VSTM2L: variants seen among roughly 807,000 people sequenced by gnomAD.
The protein encoded by VSTM2L is V-set and transmembrane domain containing 2 like.
A neutral mutation model predicts 19.9 loss-of-function variants in VSTM2L; 9 were observed. The observed-to-expected ratio is 0.45, with a 90% confidence interval of 0.27 to 0.79. The LOEUF is 0.79. Ranked by LOEUF, VSTM2L falls within the 30% of genes least tolerant of loss-of-function variation. The pLI, the probability that VSTM2L is intolerant of heterozygous loss-of-function variation, is 0.15. For synonymous variants in VSTM2L, 127 were observed against 133.8 expected, an observed-to-expected ratio of 0.95 and a Z score of 0.35; for missense variants, 286 against 295.5, an observed-to-expected ratio of 0.97 and a Z score of 0.24.
chr20:37,911,101 T>C (rs1022729289), intron 1 of VSTM2L, among the ~76,000 whole-genome samples: 2 of 151,318 alleles, frequency 1.3e-5, no homozygotes, highest in African/African-American at 4.9e-5. Context: ...TGAAACACCA[T>C]CTCTACTAAA....
At chr20:37,909,334 A>T (rs1457780692) in intron 1 of VSTM2L, among the ~76,000 whole-genome samples, 5 of 152,164 alleles carry the variant, frequency 3.3e-5, no homozygotes, top group African/African-American at 7.2e-5. Context: ...GGACCAAACC[A>T]GCTGCTGATG....
intron 1 of VSTM2L, among the ~76,000 whole-genome samples, chr20:37,924,850 T>G (rs527240482): frequency 1.2e-4 from 18 of 152,276 alleles, no homozygotes; most frequent in African/African-American, 4.3e-4. Flanking sequence ...TCTGGAGGTG[T>G]GCAAGTGGGA....
At chr20:37,918,991 C>T (rs566835639) in intron 1 of VSTM2L, among the ~76,000 whole-genome samples, 6 of 152,210 alleles carry the variant, frequency 3.9e-5, no homozygotes, top group Non-Finnish European at 8.8e-5. Context: ...AGTCCAGGTT[C>T]AATCCCAGCC....
At chr20:37,903,911 A>G (rs2072736680) in intron 1 of VSTM2L, among the ~76,000 whole-genome samples, 1 of 151,550 alleles carries the variant, frequency 6.6e-6, no homozygotes, top group Admixed American at 6.6e-5. Context: ...CTTCGCCACA[A>G]CTCTTGCCTG....
intron 3 of VSTM2L, 108 bp from the exon 4 acceptor site, chr20:37,943,872 GT>G (rs1303017870): frequency 3.2e-6 from 4 of 1,234,806 alleles, no homozygotes; most frequent in Non-Finnish European, 4.4e-6. Context: ...TTGTGGGAGT[GT>G]TTCTGGGGCT....
At chr20:37,932,012 A>G (rs2072913330) in intron 2 of VSTM2L, among the ~76,000 whole-genome samples, 1 of 152,178 alleles carries the variant, frequency 6.6e-6, no homozygotes, top group African/African-American at 2.4e-5. Context: ...CAGGAGGCAG[A>G]GCTAGGCTGA....
Position 37,921,197 on chromosome 20 carries a change from A to T in VSTM2L, c.122-10438A>T, listed in dbSNP as rs113063710. ...CTTCCACCCTAGCCTGAGGAGGGAG[A>T]GTACCTTTAGGCAGAGGACTACCTG... is the stretch of plus-strand genomic sequence containing the variant. On this transcript the variant is annotated intron_variant, in intron 1 of 3. Coordinates refer to ENST00000373461, the MANE Select transcript of VSTM2L (RefSeq NM_080607.3). Among the ~76,000 whole-genome samples the T allele has an allele frequency of 5.3e-5, 8 of 152,270 alleles. No individual in the cohort carries two copies. In the East Asian group the frequency reaches 1.2e-3, roughly 22 times the overall value.
At chr20:37,940,574 G>C (rs900152239) in intron 3 of VSTM2L, among the ~76,000 whole-genome samples, 2 of 152,372 alleles carry the variant, frequency 1.3e-5, no homozygotes, top group African/African-American at 4.8e-5. Context: ...CCTGTTCCCA[G>C]TTCCGCCACT....
At chr20:37,915,006 C>T (rs2122946221) in intron 1 of VSTM2L, among the ~76,000 whole-genome samples, 1 of 152,324 alleles carries the variant, frequency 6.6e-6, no homozygotes, top group East Asian at 1.9e-4. Context: ...GCGTTGAAGG[C>T]GGCGGCAATT....
intron 2 of VSTM2L, 86 bp downstream of exon 2, chr20:37,931,890 T>C: frequency 7.1e-7 from 1 of 1,401,090 alleles, no homozygotes; most frequent in South Asian, 1.4e-5. Flanking sequence ...TCTTCTCCTC[T>C]GAGGGATATG....
At chr20:37,943,793 T>C (rs922137766) in intron 3 of VSTM2L, among the ~76,000 whole-genome samples, 188 bp from the exon 4 acceptor site, 4 of 152,164 alleles carry the variant, frequency 2.6e-5, no homozygotes, top group East Asian at 3.9e-4. Context: ...TGTGGTCTGT[T>C]GGTGGACATG....
At chr20:37,911,846 T>G (rs1452563140) in intron 1 of VSTM2L, among the ~76,000 whole-genome samples, 1 of 152,162 alleles carries the variant, frequency 6.6e-6, no homozygotes, top group Admixed American at 6.6e-5. Flanking sequence ...ATCTGTATAC[T>G]TAGAAACCAC....
intron 1 of VSTM2L, among the ~76,000 whole-genome samples, chr20:37,904,983 G>A (rs1448667032): frequency 6.6e-6 from 1 of 152,130 alleles, no homozygotes; most frequent in Non-Finnish European, 1.5e-5. Flanking sequence ...GGGTTCTTTT[G>A]ATCCTCAACT....
chr20:37,920,026 G>A (rs79019545), intron 1 of VSTM2L, among the ~76,000 whole-genome samples: 14,563 of 152,194 alleles, frequency 0.096, 767 homozygotes, highest in Middle Eastern at 0.16. Context: ...ATGGCCCCCA[G>A]GTTCTCTGAG....
In VSTM2L at chr20:37,944,968, G is replaced by A. The variant is rs1191483424; in HGVS notation, c.*715G>A. 1.0e-6 allele frequency: 1 copy of A among 985,694 alleles called. No individual in the cohort carries two copies. Among genetic ancestry groups the A allele is most frequent in the African/African-American group, 1.7e-5 (1 of 57,198 alleles). 61.1% of individuals were successfully genotyped at this position (985,694 alleles called of 1,614,324 possible). On this transcript the variant is annotated 3_prime_UTR_variant, in exon 4 of 4. Coordinates refer to ENST00000373461, the MANE Select transcript of VSTM2L (RefSeq NM_080607.3). ...CCTCGGACCCATGGCCCCAGGCAGA[G>A]TTTTGCACCAGCAGGACCCCTTTGA... is the stretch of plus-strand genomic sequence containing the variant.
At position 37,931,787 on chromosome 20, in the gene VSTM2L, G is replaced by T. The variant is rs759727354; in HGVS notation, c.274G>T (p.Ala92Ser). The stretch of plus-strand genomic sequence containing the variant: ...CCACCGGGACTGGACCGACAAGCAG[G>T]CGTGGGCCTCGAACCAGGTAATGCC... ...RSHRDWTDKQ[A>S]WASNQLKASQ... Residue 92 changes from alanine (A) to serine (S), a missense_variant, in exon 2 of 4, where the codon GCG becomes TCG. Ala to Ser is a moderately conservative substitution (Grantham distance 99). Transcript: ENST00000373461. The T allele has an allele frequency of 6.2e-7, 1 of 1,613,848 alleles. No homozygotes were observed. The highest frequency in any genetic ancestry group is 8.5e-7 in the Non-Finnish European group (1 of 1,179,956).
At chr20:37,904,525 C>T (rs75540925) in intron 1 of VSTM2L, among the ~76,000 whole-genome samples, 5,669 of 152,306 alleles carry the variant, frequency 0.037, 334 homozygotes, top group African/African-American at 0.13. Flanking sequence ...CCCCCTGACC[C>T]CTGTGAGCCT....
At chr20:37,931,927 A>C in intron 2 of VSTM2L, 123 bp downstream of exon 2, 1 of 1,147,376 alleles carries the variant, frequency 8.7e-7, no homozygotes, top group Non-Finnish European at 1.2e-6. Flanking sequence ...TCCACACCAC[A>C]CAGCTGTCTC....
chr20:37,915,195 C>A (rs146029857), intron 1 of VSTM2L, among the ~76,000 whole-genome samples: 54 of 152,244 alleles, frequency 3.5e-4, no homozygotes, highest in Non-Finnish European at 7.1e-4. Context: ...CGGCTGAGGG[C>A]CCCTGGGACA....
Sources: allele counts gnomAD v4.1 joint callset (sites outside exome capture counted in the v4.1 genomes callset), GRCh38; gene constraint gnomAD v4.1.1; transcripts MANE v1.5; gene names NCBI Gene and HGNC (gene_info 2026-07-23, HGNC 2026-07-21).